The following GABRA5 variants were observed in gnomAD, a reference collection of about 807,000 sequenced individuals.
The protein encoded by GABRA5 is gamma-aminobutyric acid type A receptor subunit alpha5, also known as gamma-aminobutyric acid receptor subunit alpha-5.
In GABRA5, 18 loss-of-function variants were observed where a neutral mutation model predicts 47.3. The observed-to-expected ratio is 0.38, with a 90% confidence interval of 0.26 to 0.56. The LOEUF (loss-of-function observed/expected upper bound fraction) is 0.56. Among genes scored for constraint, GABRA5 ranks in the 20% least tolerant of loss-of-function variants. GABRA5 has a pLI of 0.71. For missense variants in GABRA5, 365 were observed against 599.3 expected, an observed-to-expected ratio of 0.61 and a Z score of 4.08; for synonymous variants, 237 against 229.3, an observed-to-expected ratio of 1.03 and a Z score of -0.30.
chr15:26,868,530 T>C (rs892229303), intron 1 of GABRA5, among the ~76,000 whole-genome samples, 199 bp from the exon 2 acceptor site: 3 of 152,336 alleles, frequency 2.0e-5, no homozygotes, highest in African/African-American at 7.2e-5. Context: ...TCTGCCTGGA[T>C]CTCAAATACA....
intron 7 of GABRA5, among the ~76,000 whole-genome samples, chr15:26,921,531 CTTA>C (rs1566880614): frequency 1.3e-5 from 2 of 151,988 alleles, no homozygotes; most frequent in African/African-American, 2.4e-5. Context: ...TTTTATTGAT[CTTA>C]TTATTTGTAG....
chr15:26,939,582 G>A (rs1894336737), intron 8 of GABRA5: 1 of 608,164 alleles, frequency 1.6e-6, no homozygotes, highest in East Asian at 2.7e-5. Context: ...TTACATCTGG[G>A]GAGGCTAAAT....
intron 6 of GABRA5, among the ~76,000 whole-genome samples, chr15:26,889,161 A>C (rs1892946527): frequency 6.6e-6 from 1 of 152,218 alleles, no homozygotes; most frequent in Admixed American, 6.5e-5. Flanking sequence ...TTTTACTTTA[A>C]GGAAGACATA....
chr15:26,893,431 G>GGGTA (rs1471703098), intron 6 of GABRA5, among the ~76,000 whole-genome samples: 178 of 151,360 alleles, frequency 1.2e-3, no homozygotes, highest in Middle Eastern at 3.4e-3. Flanking sequence ...TGTATGGTGT[G>GGGTA]TGGCGTGTGT....
At chr15:26,943,585 C>T (rs1467310099) in intron 10 of GABRA5, among the ~76,000 whole-genome samples, 159 bp downstream of exon 10, 1 of 152,228 alleles carries the variant, frequency 6.6e-6, no homozygotes, top group African/African-American at 2.4e-5. Context: ...TTACTGACAA[C>T]AGGTCCAATT....
At chr15:26,946,897 C>T (rs986499385) in intron 10 of GABRA5, among the ~76,000 whole-genome samples, 16 of 152,184 alleles carry the variant, frequency 1.1e-4, no homozygotes, top group Non-Finnish European at 4.4e-5. Context: ...AGTAAACAAA[C>T]GGTGGCACAT....
intron 6 of GABRA5, among the ~76,000 whole-genome samples, chr15:26,912,058 C>T (rs1893608410): frequency 6.6e-6 from 1 of 152,202 alleles, no homozygotes; most frequent in Non-Finnish European, 1.5e-5. Flanking sequence ...CCCTCCCCTC[C>T]ACCCCACCTC....
intron 7 of GABRA5, among the ~76,000 whole-genome samples, chr15:26,933,527 A>T (rs1297938871): frequency 1.3e-5 from 2 of 152,150 alleles, no homozygotes; most frequent in African/African-American, 4.8e-5. Flanking sequence ...TGGGAGAGTG[A>T]CAGTCCTTTT....
In GABRA5 at chr15:26,883,246, G is replaced by T. The variant is rs762564386; in HGVS notation, c.276+13G>T. 6.2e-7 allele frequency: 1 copy of T among 1,613,604 alleles called. No homozygotes were observed. Among genetic ancestry groups the T allele is most frequent in the East Asian group, 2.2e-5 (1 of 44,860 alleles). ...CGACACGGAAATGGTAGGTCCCGGG[G>T]CATGGCTGGGCAGACAATTCTTACT... On this transcript the variant is annotated intron_variant, in intron 5 of 10. Transcript: ENST00000335625. This position sits in a 1 kb window ranked among gnomAD's most constrained non-coding sequence, Gnocchi z 4.8.
chr15:26,941,995 C>T (rs1689819874), intron 9 of GABRA5, among the ~76,000 whole-genome samples: 1 of 152,180 alleles, frequency 6.6e-6, no homozygotes, highest in Non-Finnish European at 1.5e-5. Context: ...CACAGTTTGA[C>T]CAATAGCAGG....
At chr15:26,911,859 G>T (rs866500866) in intron 6 of GABRA5, among the ~76,000 whole-genome samples, 1 of 152,176 alleles carries the variant, frequency 6.6e-6, no homozygotes, top group Non-Finnish European at 1.5e-5. Flanking sequence ...GCCTGCCGGG[G>T]TCTGGCAGAC....
chr15:26,908,022 G>T (rs941402799), intron 6 of GABRA5, among the ~76,000 whole-genome samples: 7 of 152,138 alleles, frequency 4.6e-5, no homozygotes, highest in Non-Finnish European at 7.4e-5. Context: ...TGGGCATCAG[G>T]CAGGGCTCAT....
chr15:26,867,256 G>T lies in GABRA5; in HGVS notation c.-140+145G>T, dbSNP rs1198469701. ...CCGCTCCGCCGGGAGTGCCGGGGAA[G>T]TTCGCGCTGGCAGCATGGGGCGGTG... On this transcript the variant is annotated intron_variant, in intron 1 of 10. Transcript: ENST00000335625. The surrounding 1 kb of genome is among the most constrained non-coding windows in gnomAD (Gnocchi z 5.9). 3 of 151,392 alleles carry T rather than the reference G, an allele frequency of 2.0e-5. No individual in the cohort carries two copies. The highest frequency in any genetic ancestry group is 1.3e-4 in the Admixed American group (2 of 15,152). The allele number at this position is 151,392 out of a possible 1,614,324, so 9.4% of individuals were successfully genotyped here.
At position 26,892,768 on chromosome 15, in the gene GABRA5, G is replaced by C. The variant is rs982649605; in HGVS notation, c.497+9211G>C. ...CATTCACATGGAGAAGAAGAGGATC[G>C]TGGGATGGAATCAGCTGAAGGGCCC... is the stretch of plus-strand genomic sequence containing the variant. On this transcript the variant is annotated intron_variant, in intron 6 of 10. Transcript: ENST00000335625. Among the ~76,000 whole-genome samples the C allele has an allele frequency of 2.0e-5, 3 of 152,218 alleles. 1 individual carries two copies. Among genetic ancestry groups the C allele is most frequent in the South Asian group, 4.1e-4 (2 of 4,838 alleles).
At chr15:26,916,591 TTTTCTA>T (rs1893722039) in intron 7 of GABRA5, among the ~76,000 whole-genome samples, 1 of 152,186 alleles carries the variant, frequency 6.6e-6, no homozygotes, top group African/African-American at 2.4e-5. Flanking sequence ...AAACATTGTT[TTTTCTA>T]TTTCTATAAA....
intron 3 of GABRA5, among the ~76,000 whole-genome samples, chr15:26,873,265 A>G (rs1005341336): frequency 3.3e-5 from 5 of 152,260 alleles, no homozygotes; most frequent in Non-Finnish European, 7.3e-5. Context: ...TAAGAAAATC[A>G]TACTTTATCA....
intron 10 of GABRA5, among the ~76,000 whole-genome samples, chr15:26,947,216 TTTTTC>T (rs1348992378): frequency 6.6e-6 from 1 of 152,180 alleles, no homozygotes; most frequent in Non-Finnish European, 1.5e-5. Context: ...GACTTTATTT[TTTTTC>T]TTTTATTTTA....
intron 9 of GABRA5, among the ~76,000 whole-genome samples, chr15:26,941,565 T>G (rs1443402965): frequency 6.6e-6 from 1 of 152,208 alleles, no homozygotes; most frequent in East Asian, 1.9e-4. Flanking sequence ...CCATACTACG[T>G]GTCCTTGGTG....
chr15:26,916,285 A>ATTTTCC (rs1383205478), intron 7 of GABRA5, among the ~76,000 whole-genome samples: 1 of 152,114 alleles, frequency 6.6e-6, no homozygotes, highest in African/African-American at 2.4e-5. Context: ...TGTTTCAGTT[A>ATTTTCC]TTTTCCTTTC....
Sources: gnomAD v4.1 joint callset for allele counts (sites outside exome capture counted in the v4.1 genomes callset) on GRCh38, gnomAD v4.1.1 for gene constraint, Gnocchi (gnomAD v3.1) non-coding constraint, MANE v1.5 for transcripts, NCBI Gene and HGNC (gene_info 2026-07-23, HGNC 2026-07-21) for gene names.